CHI3L1: variants seen among roughly 807,000 people sequenced by gnomAD.
CHI3L1 encodes chitinase-3-like protein 1.
CHI3L1 carries 30 observed loss-of-function variants against 40.7 expected under a neutral mutation model. The observed-to-expected ratio is 0.74, with a 90% CI of 0.55 to 1.00. CHI3L1 has a LOEUF of 1.00. Ranked by LOEUF, CHI3L1 falls within the 50% of genes least tolerant of loss-of-function variation. The pLI, the probability that CHI3L1 is intolerant of heterozygous loss-of-function variation, is 0.00. For synonymous variants in CHI3L1, 210 were observed against 192.1 expected, an observed-to-expected ratio of 1.09 and a Z score of -0.77; for missense variants, 493 against 492.2, an observed-to-expected ratio of 1.00 and a Z score of -0.01.
In CHI3L1 at chr1:203,183,743, C is replaced by A; in HGVS notation, c.363G>T (p.Lys121Asn). The change falls in exon 5 of 10, where the codon AAG becomes AAT. Residue 121 changes from lysine to asparagine, a missense_variant. By Grantham distance (94) the Lys-to-Asn change is moderately conservative (BLOSUM62 0). Transcript: ENST00000255409. ...SNTQSRRTFI[K>N]SVPPFLRTHG... ...GGGTGCGCAGAAATGGCGGTACTGA[C>A]TTGATGAAAGTCCGGCGACTCTGGG... is the stretch of plus-strand genomic sequence containing the variant. 6.2e-7 allele frequency: 1 copy of A among 1,614,200 alleles called. No individual in the cohort carries two copies. Among genetic ancestry groups the A allele is most frequent in the South Asian group, 1.1e-5 (1 of 91,084 alleles).
intron 3 of CHI3L1, 25 bp from the exon 4 acceptor site, chr1:203,184,657 G>A (rs1442567766): frequency 6.2e-6 from 10 of 1,602,036 alleles, no homozygotes; most frequent in East Asian, 2.2e-5. Context: ...GAGGTGGGGA[G>A]GGCAGGAGTG....
intron 7 of CHI3L1, 47 bp downstream of exon 7, chr1:203,181,115 C>T: frequency 1.2e-6 from 2 of 1,605,364 alleles, no homozygotes; most frequent in Non-Finnish European, 1.7e-6. Context: ...TGGCAGATGG[C>T]AGGTCTTGCG....
At chr1:203,186,388 C>T (rs1000445136) in intron 1 of CHI3L1, 43 bp from the exon 2 acceptor site, 1 of 1,572,284 alleles carries the variant, frequency 6.4e-7, no homozygotes. Context: ...GTGCATCCTG[C>T]CCTTCCGCCC....
chr1:203,180,609 C>T lies in CHI3L1; in HGVS notation c.755G>A (p.Ser252Asn), dbSNP rs529903795. The T allele has an allele frequency of 7.9e-6, 12 of 1,512,102 alleles. No individual in the cohort carries two copies. The South Asian group carries it at 1.0e-4, about 13-fold the overall frequency. The allele number at this position is 1,512,102 out of a possible 1,614,324, so 93.7% of individuals were successfully genotyped here. A position where few individuals can be genotyped will look rare whatever the true frequency, so the allele number is the denominator to read the frequency against. The change falls in exon 8 of 10, where the codon AGT becomes AAT. Residue 252 changes from serine to asparagine, a missense_variant. Coordinates refer to ENST00000255409, the MANE Select transcript of CHI3L1 (RefSeq NM_001276.4). ...GGTGGGGATGCCCATCACCAGCTTA[C>T]TGGCAGGAGCCCCCAGCCTCAACAT... ...GYMLRLGAPASKLVMGIPTFG... is the reference protein window; with the variant it reads ...GYMLRLGAPANKLVMGIPTFG...
At chr1:203,181,355 G>A (rs1655933595) in intron 6 of CHI3L1, 70 bp from the exon 7 acceptor site, 6 of 1,542,866 alleles carry the variant, frequency 3.9e-6, no homozygotes, top group Non-Finnish European at 5.3e-6. Context: ...GGGCGTGGTG[G>A]CTCATACCTG....
chr1:203,185,540 G>A (rs945197374), intron 2 of CHI3L1, among the ~76,000 whole-genome samples, 155 bp from the exon 3 acceptor site: 1 of 152,184 alleles, frequency 6.6e-6, no homozygotes, highest in African/African-American at 2.4e-5. Flanking sequence ...AAAGGAGCTG[G>A]TTCAGGTCCC....
In CHI3L1 at chr1:203,180,412, C is replaced by T; in HGVS notation, c.894+58G>A. 2.8e-6 allele frequency: 4 copies of T among 1,420,090 alleles called. No individual in the cohort carries two copies. The South Asian group carries it at 4.3e-5, about 15-fold the overall frequency. The allele number at this position is 1,420,090 out of a possible 1,614,324, so 88.0% of individuals were successfully genotyped here. ...AAAGCAAGAACGTGGTGGGGAATCA[C>T]CTTCCCCAGGGCTGCTGGTGGTGTG... is the stretch of plus-strand genomic sequence containing the variant. On this transcript the variant is annotated intron_variant, in intron 8 of 9. Coordinates refer to ENST00000255409, the MANE Select transcript of CHI3L1 (RefSeq NM_001276.4).
intron 7 of CHI3L1, 95 bp downstream of exon 7, chr1:203,181,067 G>A (rs1038787665): frequency 6.9e-5 from 102 of 1,485,580 alleles, no homozygotes; most frequent in South Asian, 2.5e-4. Flanking sequence ...CCTCTTGCAG[G>A]ACTGTACTGA....
rs1343000078 is a variant in CHI3L1, at chr1:203,179,765, C to CT, written c.1006dup (p.Ser336LysfsTer23). The CT allele has an allele frequency of 6.2e-7, 1 of 1,614,214 alleles. No individual in the cohort carries two copies. The highest frequency in any genetic ancestry group is 1.3e-5 in the African/African-American group (1 of 75,046). ...TGTGGCCTTGGGGAAACCTACCTTG[C>CT]TTTTGACGCTTTCCTGGTCGTCGTA... is the stretch of plus-strand genomic sequence containing the variant. On this transcript the variant is annotated frameshift_variant, in exon 9 of 10. Coordinates refer to ENST00000255409, the MANE Select transcript of CHI3L1 (RefSeq NM_001276.4). LOFTEE classifies it low-confidence loss of function (END_TRUNC).
Position 203,180,456 on chromosome 1 carries a change from C to A in CHI3L1, c.894+14G>T. On this transcript the variant is annotated intron_variant, in intron 8 of 9. Coordinates refer to ENST00000255409, the MANE Select transcript of CHI3L1 (RefSeq NM_001276.4). Reference sequence around the variant, plus strand: ...TGGTGTGGGGGAATCCTACCTTCTCCCCAACTCCATTACCTCATAGTAGGC... The same window carrying A: ...TGGTGTGGGGGAATCCTACCTTCTCACCAACTCCATTACCTCATAGTAGGC... The A allele has an allele frequency of 6.5e-7, 1 of 1,545,442 alleles. No homozygotes were observed. The highest frequency in any genetic ancestry group is 2.4e-5 in the East Asian group (1 of 41,754).
chr1:203,183,823 A>T, intron 4 of CHI3L1, 32 bp from the exon 5 acceptor site: 1 of 1,613,324 alleles, frequency 6.2e-7, no homozygotes, highest in Non-Finnish European at 8.5e-7. Flanking sequence ...TAGCATGCTC[A>T]GCACTGATAT....
At position 203,183,731 on chromosome 1, in the gene CHI3L1, T is replaced by C. The variant is rs764660955; in HGVS notation, c.375A>G (p.Pro125=). 8.7e-6 allele frequency: 14 copies of C among 1,613,972 alleles called. No homozygotes were observed. The East Asian group carries it at 2.5e-4, about 28-fold the overall frequency. The change falls in exon 5 of 10, where the codon CCA becomes CCG. Residue 125 remains proline, a synonymous_variant. Coordinates refer to ENST00000255409, the MANE Select transcript of CHI3L1 (RefSeq NM_001276.4). ...CATCAAAGCCATGGGTGCGCAGAAA[T>C]GGCGGTACTGACTTGATGAAAGTCC... ...SRRTFIKSVP[P]FLRTHGFDGL...
intron 9 of CHI3L1, 32 bp downstream of exon 9, chr1:203,179,729 T>C: frequency 1.2e-6 from 2 of 1,614,188 alleles, no homozygotes; most frequent in Non-Finnish European, 1.7e-6. Flanking sequence ...TTCTTTCTCT[T>C]TGTCCTGAGG....
At chr1:203,180,946 G>A (rs1000654536) in intron 7 of CHI3L1, among the ~76,000 whole-genome samples, 15 of 152,120 alleles carry the variant, frequency 9.9e-5, no homozygotes, top group African/African-American at 3.4e-4. Context: ...CTCCCCATTC[G>A]GCCCCCTGCC....
At position 203,180,486 on chromosome 1, in the gene CHI3L1, G is replaced by A; in HGVS notation, c.878C>T (p.Thr293Ile). ...IPGRFTKEAG[T>I]LAYYEICDFL... is the part of the protein sequence containing the mutation. ...CTCCATTACCTCATAGTAGGCAAGG[G>A]TCCCTGCCTCCTTGGTGAACCGGCC... Residue 293 changes from threonine to isoleucine, a missense_variant, in exon 8 of 10, where the codon ACC becomes ATC. By Grantham distance (89) the Thr-to-Ile change is moderately conservative. Coordinates refer to ENST00000255409, the MANE Select transcript of CHI3L1 (RefSeq NM_001276.4). 1 of 1,595,412 alleles carries A rather than the reference G, an allele frequency of 6.3e-7. No individual in the cohort carries two copies. The highest frequency in any genetic ancestry group is 8.5e-7 in the Non-Finnish European group (1 of 1,173,128).
rs1558147270 is a variant in CHI3L1, at chr1:203,179,483, G to A, written c.1114C>T (p.Leu372Phe). Residue 372 changes from leucine (L) to phenylalanine (F), a missense_variant, in exon 10 of 10, where the codon CTC becomes TTC. Physicochemically the swap from Leu to Phe is conservative, Grantham distance 22. Transcript: ENST00000255409. ...AGTGCATCCTTGATGGCATTGGTGA[G>A]AGGGAAGCGCAGATCCTGGCCACAG... ...SFCGQDLRFP[L>F]TNAIKDALAA... is the part of the protein sequence containing the mutation. 1.3e-6 allele frequency: 2 copies of A among 1,562,634 alleles called. No individual in the cohort carries two copies. Among genetic ancestry groups the A allele is most frequent in the Non-Finnish European group, 1.7e-6 (2 of 1,153,048 alleles).
Position 203,179,143 on chromosome 1 carries a change from G to C in CHI3L1, c.*302C>G, listed in dbSNP as rs571121302. 22 of 249,012 alleles carry C rather than the reference G, an allele frequency of 8.8e-5. No homozygotes were observed. Among genetic ancestry groups the C allele is most frequent in the Admixed American group, 6.9e-4 (14 of 20,400 alleles). The allele number at this position is 249,012 out of a possible 1,614,324, so 15.4% of individuals were successfully genotyped here. ...TTGATAAGGAGGGCTGGGGGGCAGG[G>C]AGTTGAAGAAATTCCCTTGCCAGGC... On this transcript the variant is annotated 3_prime_UTR_variant, in exon 10 of 10. Transcript: ENST00000255409.
At position 203,182,817 on chromosome 1, in the gene CHI3L1, TG is replaced by T. The variant is rs1655964109; in HGVS notation, c.500del (p.Pro167GlnfsTer38). On this transcript the variant is annotated frameshift_variant, in exon 6 of 10. Coordinates refer to ENST00000255409, the MANE Select transcript of CHI3L1 (RefSeq NM_001276.4). LOFTEE classifies it high-confidence loss of function. ...CGCTGAGCAGGAGCTGCTTTTTCCC[TG>T]GCTGGGCTTCCTTTATAAATTCGGC... is the stretch of plus-strand genomic sequence containing the variant. ...MKAEFIKEAQ[P>X]GKKQLLLSAA... is the part of the protein sequence containing the mutation. The T allele has an allele frequency of 1.2e-6, 2 of 1,614,162 alleles. No individual in the cohort carries two copies. The highest frequency in any genetic ancestry group is 1.7e-6 in the Non-Finnish European group (2 of 1,180,006).
chr1:203,182,483 C>T (rs1040233386), intron 6 of CHI3L1, among the ~76,000 whole-genome samples: 1 of 152,236 alleles, frequency 6.6e-6, no homozygotes, highest in Non-Finnish European at 1.5e-5. Context: ...GCAGCTCTCT[C>T]AACTGCTCAG....
Sources: allele counts gnomAD v4.1 joint callset (sites outside exome capture counted in the v4.1 genomes callset), GRCh38; gene constraint gnomAD v4.1.1; transcripts MANE v1.5; gene names NCBI Gene and HGNC (gene_info 2026-07-23, HGNC 2026-07-21).